Variants in SAMMSON observed in about 807,000 individuals in gnomAD.
The protein encoded by SAMMSON is survival associated mitochondrial melanoma specific oncogenic non-coding RNA, also known as long intergenic non-protein coding RNA 1212.
At chr3:70,269,678 A>G (rs1701956069) in intron 6 of SAMMSON, among the ~76,000 whole-genome samples, 1 of 152,214 alleles carries the variant, frequency 6.6e-6, no homozygotes, top group Non-Finnish European at 1.5e-5. Flanking sequence ...CAGAAAATGT[A>G]CTAGCTATAT....
intron 4 of SAMMSON, among the ~76,000 whole-genome samples, chr3:70,174,235 A>G (rs1700986875): frequency 1.3e-5 from 2 of 152,062 alleles, no homozygotes; most frequent in South Asian, 2.1e-4. Flanking sequence ...GATGGTATGA[A>G]GCACGGTGAG....
intron 4 of SAMMSON, among the ~76,000 whole-genome samples, chr3:70,150,767 T>C (rs1431615824): frequency 2.0e-5 from 3 of 152,064 alleles, no homozygotes; most frequent in African/African-American, 7.2e-5. Flanking sequence ...CCTCATTTTG[T>C]AAAACGTGCA....
At chr3:70,150,860 A>G (rs933826447) in intron 4 of SAMMSON, among the ~76,000 whole-genome samples, 2 of 152,026 alleles carry the variant, frequency 1.3e-5, no homozygotes, top group Non-Finnish European at 2.9e-5. Flanking sequence ...CCATCCCCTT[A>G]AAGGCTACAA....
At position 70,191,101 on chromosome 3, in the gene SAMMSON, G is replaced by A. The variant is rs187427360; in HGVS notation, n.508-58006G>A. Among the ~76,000 whole-genome samples, 112 of 152,192 alleles carry A rather than the reference G, an allele frequency of 7.4e-4. 1 individual carries two copies. Among genetic ancestry groups the A allele is most frequent in the African/African-American group, 2.5e-3 (104 of 41,546 alleles). ...TCTTATTTTATTTTTTAAATTTTACGGGAACTTGATATTAAATGAGGAACC... is the reference window on the plus strand; with the variant it reads ...TCTTATTTTATTTTTTAAATTTTACAGGAACTTGATATTAAATGAGGAACC... On this transcript the variant is annotated intron_variant and non_coding_transcript_variant, in intron 4 of 9. Coordinates refer to ENST00000642114, the Ensembl canonical transcript of SAMMSON.
At chr3:70,421,233 A>G (rs1011222382) in intron 2 of SAMMSON, among the ~76,000 whole-genome samples, 1 of 152,142 alleles carries the variant, frequency 6.6e-6, no homozygotes, top group Admixed American at 6.5e-5. Flanking sequence ...CGGCATAAGG[A>G]AAAACAATAA....
chr3:70,367,216 G>A (rs369706771), intron 9 of SAMMSON, among the ~76,000 whole-genome samples: 3 of 151,126 alleles, frequency 2.0e-5, no homozygotes, highest in Non-Finnish European at 4.4e-5. Context: ...AATAAATTAC[G>A]GACAACTATA....
At chr3:70,286,653 G>A (rs1702167107) in intron 6 of SAMMSON, among the ~76,000 whole-genome samples, 1 of 151,892 alleles carries the variant, frequency 6.6e-6, no homozygotes, top group Non-Finnish European at 1.5e-5. Context: ...CTTGGGCAGT[G>A]TGGCCATTTT....
At chr3:70,158,782 T>C (rs2067602383) in intron 4 of SAMMSON, among the ~76,000 whole-genome samples, 1 of 152,036 alleles carries the variant, frequency 6.6e-6, no homozygotes, top group East Asian at 1.9e-4. Flanking sequence ...TCTTGCAAAT[T>C]TTACTGAGTA....
At chr3:70,287,195 T>C in intron 6 of SAMMSON, among the ~76,000 whole-genome samples, 1 of 138,228 alleles carries the variant, frequency 7.2e-6, no homozygotes, top group Admixed American at 7.2e-5. Context: ...GCTGTGGGTT[T>C]GTCATAGATA....
intron 4 of SAMMSON, among the ~76,000 whole-genome samples, chr3:70,096,905 C>T (rs1026729714): frequency 6.6e-6 from 1 of 152,156 alleles, no homozygotes; most frequent in African/African-American, 2.4e-5. Flanking sequence ...TTGAGAAACA[C>T]TGGATTGAAC....
intron 3 of SAMMSON, among the ~76,000 whole-genome samples, chr3:70,046,174 A>G (rs1012747030): frequency 6.6e-6 from 1 of 152,100 alleles, no homozygotes; most frequent in Non-Finnish European, 1.5e-5. Flanking sequence ...GCACAACTCC[A>G]TGCCTTTTTT....
At chr3:70,385,995 A>C (rs1363826196) in intron 9 of SAMMSON, among the ~76,000 whole-genome samples, 1 of 152,074 alleles carries the variant, frequency 6.6e-6, no homozygotes, top group African/African-American at 2.4e-5. Flanking sequence ...TAGGCTTTTG[A>C]ACAAACATCC....
At chr3:70,362,803 GC>G (rs1335575077) in intron 9 of SAMMSON, among the ~76,000 whole-genome samples, 9 of 132,094 alleles carry the variant, frequency 6.8e-5, no homozygotes, top group African/African-American at 2.6e-4. Context: ...GGAAAGATCT[GC>G]TTTTTTTTTT....
chr3:70,006,739 T>A lies in SAMMSON; in HGVS notation n.23-5618T>A, dbSNP rs557455451. Among the ~76,000 whole-genome samples the A allele has an allele frequency of 2.0e-3, 310 of 151,866 alleles. 2 individuals are homozygous for A. The highest frequency in any genetic ancestry group is 2.4e-3 in the Non-Finnish European group (164 of 67,902). ...TAGTTACATATGTATACATGTGCCA[T>A]GTTGGTGTGCTGCACCCATTAACTC... On this transcript the variant is annotated intron_variant and non_coding_transcript_variant, in intron 1 of 9. Transcript: ENST00000642114.
chr3:70,199,728 G>C (rs1701218439), intron 4 of SAMMSON, among the ~76,000 whole-genome samples: 1 of 152,146 alleles, frequency 6.6e-6, no homozygotes, highest in South Asian at 2.1e-4. Flanking sequence ...ATTTCCTCTT[G>C]TCCTGAATGA....
intron 6 of SAMMSON, among the ~76,000 whole-genome samples, chr3:70,264,683 A>G (rs1311510780): frequency 6.6e-6 from 1 of 152,242 alleles, no homozygotes; most frequent in Non-Finnish European, 1.5e-5. Context: ...TGCTAAACAC[A>G]GTGAACATGG....
At chr3:70,131,173 G>A (rs1330985594) in intron 4 of SAMMSON, among the ~76,000 whole-genome samples, 1 of 152,172 alleles carries the variant, frequency 6.6e-6, no homozygotes, top group Non-Finnish European at 1.5e-5. Flanking sequence ...CGAGCTTTAA[G>A]TCTGGTATTC....
chr3:70,411,592 C>T (rs1275716513), intron 2 of SAMMSON, among the ~76,000 whole-genome samples: 1 of 152,076 alleles, frequency 6.6e-6, no homozygotes, highest in East Asian at 1.9e-4. Context: ...TCCCATGATC[C>T]CTATGTGTTG....
chr3:70,200,392 A>G (rs7427775), intron 4 of SAMMSON, among the ~76,000 whole-genome samples: 125,625 of 152,114 alleles, frequency 0.83, 53,126 homozygotes, highest in Non-Finnish European at 0.92. Flanking sequence ...GACCTACTTT[A>G]CTTACTTCAC....
Sources: gnomAD v4.1 joint callset for allele counts (sites outside exome capture counted in the v4.1 genomes callset) on GRCh38, gnomAD v4.1.1 for gene constraint, MANE v1.5 for transcripts, NCBI Gene and HGNC (gene_info 2026-07-23, HGNC 2026-07-21) for gene names.